TTC28: variants seen among roughly 807,000 people sequenced by gnomAD.
The protein encoded by TTC28 is tetratricopeptide repeat domain 28.
A neutral mutation model predicts 198.0 loss-of-function variants in TTC28; 61 were observed. That is an observed-to-expected ratio of 0.31 (90% CI 0.25 to 0.38). The LOEUF (loss-of-function observed/expected upper bound fraction) is 0.38, where lower values mean the gene tolerates loss of function less well. Among genes scored for constraint, TTC28 ranks in the 10% least tolerant of loss-of-function variants. TTC28 has a pLI of 1.00. For missense variants in TTC28, 2,678 were observed against 3,164.0 expected (o/e 0.85, Z 3.69); for synonymous variants, 1,171 against 1,297.8 (o/e 0.90, Z 2.10).
chr22:28,518,070 G>A (rs1325150228), intron 2 of TTC28, among the ~76,000 whole-genome samples: 1 of 151,774 alleles, frequency 6.6e-6, no homozygotes, highest in Non-Finnish European at 1.5e-5. Context: ...TTTAGAGAGG[G>A]TTTTTCAAAT....
At chr22:28,487,540 CA>C in intron 2 of TTC28, among the ~76,000 whole-genome samples, 1 of 152,170 alleles carries the variant, frequency 6.6e-6, no homozygotes, top group Middle Eastern at 3.4e-3. Flanking sequence ...ATGAGAATAA[CA>C]TTAGGATAAA....
At chr22:28,639,596 G>T (rs1163443195) in intron 1 of TTC28, among the ~76,000 whole-genome samples, 2 of 152,172 alleles carry the variant, frequency 1.3e-5, no homozygotes, top group East Asian at 3.9e-4. Context: ...TGTTGTGATA[G>T]TAAGTCTCAC....
intron 5 of TTC28, among the ~76,000 whole-genome samples, chr22:28,289,091 A>G (rs1026180092): frequency 4.6e-5 from 7 of 152,148 alleles, no homozygotes; most frequent in Admixed American, 6.5e-5. Context: ...AGATGGGAGG[A>G]GGCAGGAAAG....
intron 2 of TTC28, chr22:28,443,013 C>G (rs1247714049): frequency 1.3e-5 from 2 of 152,340 alleles, no homozygotes; most frequent in Admixed American, 6.5e-5. Context: ...CCTCCCACCC[C>G]CTAATTCTTT....
intron 2 of TTC28, among the ~76,000 whole-genome samples, chr22:28,393,895 C>T (rs1302166395): frequency 6.6e-6 from 1 of 152,086 alleles, no homozygotes; most frequent in Non-Finnish European, 1.5e-5. Flanking sequence ...TGGCTCAGAG[C>T]TCCACTTACC....
intron 8 of TTC28, among the ~76,000 whole-genome samples, chr22:28,104,217 A>G (rs1942234779): frequency 3.9e-5 from 6 of 152,100 alleles, no homozygotes; most frequent in Admixed American, 3.9e-4. Flanking sequence ...GTTAGAAACA[A>G]CTTCAGAGAG....
intron 2 of TTC28, among the ~76,000 whole-genome samples, chr22:28,441,983 G>A (rs1453616414): frequency 6.6e-6 from 1 of 151,682 alleles, no homozygotes; most frequent in Non-Finnish European, 1.5e-5. Flanking sequence ...AGGAGCCCTA[G>A]CCAAATGTAC....
Position 28,359,202 on chromosome 22 carries a change from G to A in TTC28, c.382-52559C>T, listed in dbSNP as rs372457440. On this transcript the variant is annotated intron_variant, in intron 2 of 22. Coordinates refer to ENST00000397906, the MANE Select transcript of TTC28 (RefSeq NM_001145418.2). ...GGGTTGGAATAACTAAAATTAAGTA[G>A]CAAATAAAAGAAGTACAAAAAACTG... Among the ~76,000 whole-genome samples, 15 of 152,198 alleles carry A rather than the reference G, an allele frequency of 9.9e-5. 1 individual carries two copies. The highest frequency in any genetic ancestry group is 2.0e-4 in the Admixed American group (3 of 15,288).
intron 21 of TTC28, among the ~76,000 whole-genome samples, chr22:27,986,829 C>T (rs1937232732): frequency 6.6e-6 from 1 of 152,156 alleles, no homozygotes; most frequent in Non-Finnish European, 1.5e-5. Context: ...ACATTTTCCT[C>T]TGAATTTGAA....
At chr22:28,635,505 A>T (rs1196607706) in intron 1 of TTC28, among the ~76,000 whole-genome samples, 1 of 152,214 alleles carries the variant, frequency 6.6e-6, no homozygotes, top group Non-Finnish European at 1.5e-5. Context: ...AACATATATT[A>T]ACATTGCTGA....
intron 2 of TTC28, among the ~76,000 whole-genome samples, chr22:28,331,150 A>T (rs1477953756): frequency 6.6e-6 from 1 of 152,098 alleles, no homozygotes; most frequent in Non-Finnish European, 1.5e-5. Flanking sequence ...ATAATTCTGC[A>T]AGGTAAATTA....
chr22:28,332,840 T>A (rs2045638406), intron 2 of TTC28, among the ~76,000 whole-genome samples: 1 of 152,152 alleles, frequency 6.6e-6, no homozygotes, highest in African/African-American at 2.4e-5. Context: ...AATAAATGCC[T>A]ATTGGTCAAT....
intron 15 of TTC28, chr22:27,999,514 G>A: frequency 3.7e-6 from 2 of 534,302 alleles, no homozygotes; most frequent in Non-Finnish European, 6.5e-6. Flanking sequence ...TGAGAGGATT[G>A]GGGGAGGAGG....
At chr22:28,340,122 A>C (rs1293588288) in intron 2 of TTC28, among the ~76,000 whole-genome samples, 1 of 152,176 alleles carries the variant, frequency 6.6e-6, no homozygotes. Flanking sequence ...CACACTAGAC[A>C]GGGAATAAGG....
Position 28,107,096 on chromosome 22 carries a change from C to T in TTC28, c.2749G>A (p.Ala917Thr), listed in dbSNP as rs996176247. 6.4e-7 allele frequency: 1 copy of T among 1,551,330 alleles called. No homozygotes were observed. Among genetic ancestry groups the T allele is most frequent in the African/African-American group, 1.4e-5 (1 of 73,038 alleles). Reference protein sequence around the residue: ...AQSLNRMQDQAKAYRGLGNGH... With the variant: ...AQSLNRMQDQTKAYRGLGNGH... ...TTTCCCAGGCCCCGGTAAGCCTTGGCTTGGTCTTGCATGCGATTCAGACTC... is the reference window on the plus strand; with the variant it reads ...TTTCCCAGGCCCCGGTAAGCCTTGGTTTGGTCTTGCATGCGATTCAGACTC... The change falls in exon 7 of 23, where the codon GCC becomes ACC. Residue 917 changes from alanine to threonine, a missense_variant. By Grantham distance (58) the Ala-to-Thr change is moderately conservative (BLOSUM62 0). This residue lies in a region of TTC28 where 775 missense variants were observed against 845.9 expected (regional missense o/e 0.92). Transcript: ENST00000397906.
At chr22:28,459,037 G>A (rs188183269) in intron 2 of TTC28, among the ~76,000 whole-genome samples, 23 of 152,150 alleles carry the variant, frequency 1.5e-4, no homozygotes, top group Admixed American at 5.9e-4. Context: ...GTGTGTGGAC[G>A]TGTGTGTGTT....
chr22:28,462,487 T>C (rs1166841097), intron 2 of TTC28, among the ~76,000 whole-genome samples: 1 of 152,184 alleles, frequency 6.6e-6, no homozygotes, highest in Non-Finnish European at 1.5e-5. Context: ...TTCATTGAGA[T>C]TTGGGGATTG....
intron 6 of TTC28, among the ~76,000 whole-genome samples, chr22:28,157,390 C>G (rs952669633): frequency 6.6e-6 from 1 of 152,158 alleles, no homozygotes; most frequent in Admixed American, 6.5e-5. Flanking sequence ...AATACCAATC[C>G]TACTCAAACT....
chr22:28,658,984 G>A (rs1394844711), intron 1 of TTC28, among the ~76,000 whole-genome samples: 1 of 152,012 alleles, frequency 6.6e-6, no homozygotes, highest in African/African-American at 2.4e-5. Flanking sequence ...GTGACAGAGT[G>A]AGATTCTGTC....
Sources: allele counts gnomAD v4.1 joint callset (sites outside exome capture counted in the v4.1 genomes callset), GRCh38; gene constraint gnomAD v4.1.1; regional missense constraint gnomAD v4.1.1; transcripts MANE v1.5; gene names NCBI Gene and HGNC (gene_info 2026-07-23, HGNC 2026-07-21).